The following COBL variants were observed in gnomAD, a reference collection of about 807,000 sequenced individuals.
COBL encodes protein cordon-bleu.
A neutral mutation model predicts 98.8 loss-of-function variants in COBL; 51 were observed. The ratio of observed to expected loss-of-function variants is 0.52; its 90% CI spans 0.41 to 0.65. The LOEUF (loss-of-function observed/expected upper bound fraction) is 0.65, where lower values mean the gene tolerates loss of function less well. Ranked by LOEUF, COBL falls within the 30% of genes least tolerant of loss-of-function variation. The probability of loss-of-function intolerance (pLI) is 0.00; values close to 1 mark genes in which losing one functional copy is unlikely to be tolerated. For synonymous variants in COBL, 634 were observed against 651.7 expected, an observed-to-expected ratio of 0.97 and a Z score of 0.41; for missense variants, 1,617 against 1,617.5, an observed-to-expected ratio of 1.00 and a Z score of 0.01.
intron 1 of COBL, among the ~76,000 whole-genome samples, chr7:51,288,519 G>T (rs1276073547): frequency 6.6e-6 from 1 of 151,874 alleles, no homozygotes; most frequent in African/African-American, 2.4e-5. Context: ...TTGTGAGGCC[G>T]AGGCAGGTGG....
chr7:51,142,953 C>T (rs901504497), intron 5 of COBL, among the ~76,000 whole-genome samples: 7 of 152,096 alleles, frequency 4.6e-5, no homozygotes, highest in Admixed American at 4.6e-4. Flanking sequence ...ACCGCAGAAG[C>T]TCATTTCCAG....
intron 8 of COBL, among the ~76,000 whole-genome samples, chr7:51,040,479 C>A (rs1789074481): frequency 6.6e-6 from 1 of 152,198 alleles, no homozygotes; most frequent in Non-Finnish European, 1.5e-5. Flanking sequence ...AAACTAAGGG[C>A]AGTAGTTCTG....
At chr7:51,113,070 C>T (rs1253034018) in intron 6 of COBL, among the ~76,000 whole-genome samples, 1 of 152,132 alleles carries the variant, frequency 6.6e-6, no homozygotes, top group African/African-American at 2.4e-5. Flanking sequence ...AAATGCACTC[C>T]CTCTGCACAG....
chr7:51,254,143 T>C (rs1796992182), intron 1 of COBL, among the ~76,000 whole-genome samples: 1 of 152,080 alleles, frequency 6.6e-6, no homozygotes, highest in Non-Finnish European at 1.5e-5. Context: ...CAAAGATATA[T>C]ACCATAAACA....
chr7:51,151,447 C>T (rs76189824), intron 5 of COBL, among the ~76,000 whole-genome samples: 6,192 of 152,256 alleles, frequency 0.041, 172 homozygotes, highest in Middle Eastern at 0.088. Context: ...TGGCGTCGCA[C>T]CTGCCCTTCC....
chr7:51,303,497 C>T (rs937238724), intron 1 of COBL, among the ~76,000 whole-genome samples: 3 of 152,172 alleles, frequency 2.0e-5, no homozygotes, highest in African/African-American at 7.2e-5. Flanking sequence ...CCAGCCCTCC[C>T]GGATGGAGGG....
At chr7:51,239,298 G>A (rs2129119165) in intron 1 of COBL, among the ~76,000 whole-genome samples, 1 of 152,198 alleles carries the variant, frequency 6.6e-6, no homozygotes, top group South Asian at 2.1e-4. Context: ...AAAGAAACTG[G>A]CTAAATCCCA....
intron 1 of COBL, among the ~76,000 whole-genome samples, chr7:51,290,523 CTAAA>C (rs1800798706): frequency 6.6e-6 from 1 of 152,218 alleles, no homozygotes; most frequent in South Asian, 2.1e-4. Flanking sequence ...TAGTTTACCC[CTAAA>C]TAAACACAGA....
chr7:51,029,414 T>C lies in COBL; in HGVS notation c.1682A>G (p.Asn561Ser), dbSNP rs754429184. ...PVDSGLFSNRNNNAGSFDSEG... is the reference protein window; with the variant it reads ...PVDSGLFSNRSNNAGSFDSEG... ...CGAGTCGAAAGACCCAGCATTGTTG[T>C]TTCTATTGGAAAACAACCCCGAATC... is the stretch of plus-strand genomic sequence containing the variant. The change falls in exon 10 of 13, where the codon AAC (asparagine) becomes AGC (serine). Residue 561 changes from asparagine (N) to serine (S), a missense_variant. Coordinates refer to ENST00000265136, the MANE Select transcript of COBL (RefSeq NM_015198.5). 1.9e-6 allele frequency: 3 copies of C among 1,614,008 alleles called. No individual in the cohort carries two copies. The South Asian group carries it at 3.3e-5, about 18-fold the overall frequency.
At position 51,027,954 on chromosome 7, in the gene COBL, C is replaced by T. The variant is rs772030687; in HGVS notation, c.3142G>A (p.Glu1048Lys). The T allele has an allele frequency of 1.1e-5, 18 of 1,611,170 alleles. No individual in the cohort carries two copies. Among genetic ancestry groups the T allele is most frequent in the Admixed American group, 8.4e-5 (5 of 59,784 alleles). The change falls in exon 10 of 13, where the codon GAG becomes AAG. Residue 1048 changes from glutamate (E) to lysine (K), a missense_variant. By Grantham distance (56) the Glu-to-Lys change is moderately conservative. Transcript: ENST00000265136. ...GACCCTCCTGGAGGGTGGGAAGGCTCGCCGTGGCCTGGGGCGCGCACAGAG... is the reference window on the plus strand; with the variant it reads ...GACCCTCCTGGAGGGTGGGAAGGCTTGCCGTGGCCTGGGGCGCGCACAGAG... The part of the protein sequence containing the change: ...NGSVRAPGHG[E>K]PSHPPGGSGT...
At chr7:51,109,324 C>G (rs1192149082) in intron 6 of COBL, among the ~76,000 whole-genome samples, 1 of 152,238 alleles carries the variant, frequency 6.6e-6, no homozygotes, top group Non-Finnish European at 1.5e-5. Context: ...CTCCAGACAA[C>G]TGCCAGTGCG....
At chr7:51,082,571 G>T (rs1208032204) in intron 7 of COBL, among the ~76,000 whole-genome samples, 4 of 152,182 alleles carry the variant, frequency 2.6e-5, no homozygotes, top group Non-Finnish European at 4.4e-5. Context: ...GTACACCTCA[G>T]TTTCCTTTTC....
chr7:51,297,536 C>A (rs1801529397), intron 1 of COBL, among the ~76,000 whole-genome samples: 1 of 151,826 alleles, frequency 6.6e-6, no homozygotes, highest in African/African-American at 2.4e-5. Flanking sequence ...GGATTAAAGG[C>A]ACCTGCCACT....
intron 6 of COBL, among the ~76,000 whole-genome samples, chr7:51,106,946 C>A (rs867317389): frequency 6.6e-6 from 1 of 152,168 alleles, no homozygotes; most frequent in Middle Eastern, 3.4e-3. Context: ...ATTTTCATTA[C>A]AAATTGACAG....
chr7:51,267,298 G>A (rs1272283562), intron 1 of COBL, among the ~76,000 whole-genome samples: 1 of 152,004 alleles, frequency 6.6e-6, no homozygotes, highest in Non-Finnish European at 1.5e-5. Context: ...CAGGCACTCT[G>A]GCCTGAGGAG....
intron 2 of COBL, among the ~76,000 whole-genome samples, chr7:51,195,809 GT>G (rs1472712678): frequency 6.6e-6 from 1 of 152,118 alleles, no homozygotes; most frequent in Non-Finnish European, 1.5e-5. Context: ...ACTGTTATTG[GT>G]TTTTAGGAAT....
chr7:51,045,828 G>A (rs1021382943), intron 7 of COBL, among the ~76,000 whole-genome samples: 19 of 152,196 alleles, frequency 1.2e-4, no homozygotes, highest in African/African-American at 4.6e-4. Context: ...AGAGCCTGTG[G>A]TCTAAATTAA....
intron 2 of COBL, among the ~76,000 whole-genome samples, chr7:51,205,018 C>T (rs1412642655): frequency 1.3e-5 from 2 of 152,188 alleles, no homozygotes; most frequent in Non-Finnish European, 2.9e-5. Context: ...AAAGGAGACA[C>T]AGATAAATGT....
intron 8 of COBL, among the ~76,000 whole-genome samples, chr7:51,038,749 A>T (rs555223017): frequency 6.6e-6 from 1 of 152,240 alleles, no homozygotes; most frequent in East Asian, 1.9e-4. Flanking sequence ...CAAGCTGAAG[A>T]TGTCTGGGGC....
Sources: gnomAD v4.1 joint callset for allele counts (sites outside exome capture counted in the v4.1 genomes callset) on GRCh38, gnomAD v4.1.1 for gene constraint, MANE v1.5 for transcripts, NCBI Gene and HGNC (gene_info 2026-07-23, HGNC 2026-07-21) for gene names.